UNC13C: variants seen among roughly 807,000 people sequenced by gnomAD.
UNC13C encodes unc-13 homolog C, also known as protein unc-13 homolog C.
A neutral mutation model predicts 245.4 loss-of-function variants in UNC13C; 174 were observed. That is an observed-to-expected ratio of 0.71 (90% CI 0.63 to 0.80). UNC13C has a LOEUF of 0.80. Among genes scored for constraint, UNC13C ranks in the 30% least tolerant of loss-of-function variants. The pLI is 0.00. For synonymous variants in UNC13C, 992 were observed against 895.1 expected (o/e 1.11, Z -1.93); for missense variants, 2,829 against 2,602.9 (o/e 1.09, Z -1.89).
At chr15:54,524,020 C>T (rs1895339930) in intron 24 of UNC13C, among the ~76,000 whole-genome samples, 1 of 152,170 alleles carries the variant, frequency 6.6e-6, no homozygotes, top group African/African-American at 2.4e-5. Flanking sequence ...CATATGTTTT[C>T]TTGGTTAGGG....
At chr15:54,249,355 C>A (rs2036079946) in intron 7 of UNC13C, among the ~76,000 whole-genome samples, 1 of 152,068 alleles carries the variant, frequency 6.6e-6, no homozygotes, top group Non-Finnish European at 1.5e-5. Context: ...CCATTTTAAG[C>A]AGAGCAGAGG....
At chr15:54,110,189 A>G (rs1001395830) in intron 2 of UNC13C, among the ~76,000 whole-genome samples, 1 of 152,026 alleles carries the variant, frequency 6.6e-6, no homozygotes, top group South Asian at 2.1e-4. Context: ...CTGAGGCATG[A>G]GAATTGCATG....
At chr15:54,599,865 TTC>T (rs933264241) in intron 30 of UNC13C, among the ~76,000 whole-genome samples, 30 of 152,178 alleles carry the variant, frequency 2.0e-4, no homozygotes. Context: ...CTCCTCACTC[TTC>T]TTTCTCTCGC....
At position 54,536,936 on chromosome 15, in the gene UNC13C, A is replaced by G. The variant is rs138529178; in HGVS notation, c.5696+3870A>G. On this transcript the variant is annotated intron_variant, in intron 26 of 32. Transcript: ENST00000260323. Reference sequence around the variant, plus strand: ...GAACCAGAACAAGACAAGGATGCTCACTCTCACTACTCCTATTCAACATAG... The same window carrying G: ...GAACCAGAACAAGACAAGGATGCTCGCTCTCACTACTCCTATTCAACATAG... Among the ~76,000 whole-genome samples, 3 of 152,156 alleles carry G rather than the reference A, an allele frequency of 2.0e-5. No individual in the cohort carries two copies. In the East Asian group the frequency reaches 5.8e-4, roughly 29 times the overall value.
intron 17 of UNC13C, among the ~76,000 whole-genome samples, chr15:54,387,972 C>T (rs1392871149): frequency 1.3e-5 from 2 of 152,134 alleles, no homozygotes; most frequent in Admixed American, 6.6e-5. Flanking sequence ...TATACACACA[C>T]ACAAGCACAC....
At chr15:54,424,425 C>G (rs948269309) in intron 19 of UNC13C, among the ~76,000 whole-genome samples, 2 of 151,772 alleles carry the variant, frequency 1.3e-5, no homozygotes, top group Non-Finnish European at 2.9e-5. Flanking sequence ...TATTTGGAAA[C>G]CTTCCAGGGA....
intron 2 of UNC13C, among the ~76,000 whole-genome samples, chr15:54,031,970 C>T (rs1313435581): frequency 1.3e-5 from 2 of 152,146 alleles, no homozygotes; most frequent in African/African-American, 4.8e-5. Context: ...TGGTCTGCTG[C>T]TTAGGTAAAT....
At chr15:53,993,782 C>T (rs894741706) in intron 1 of UNC13C, among the ~76,000 whole-genome samples, 48 of 152,032 alleles carry the variant, frequency 3.2e-4, no homozygotes, top group Admixed American at 2.0e-4. Flanking sequence ...GATAGTCTCT[C>T]TAATTTCCTA....
chr15:54,443,905 G>A (rs180746570), intron 19 of UNC13C, among the ~76,000 whole-genome samples: 1 of 149,804 alleles, frequency 6.7e-6, no homozygotes, highest in Non-Finnish European at 1.5e-5. Flanking sequence ...GTTCTGTAAA[G>A]GTATATTAAG....
chr15:54,118,221 A>G (rs1041354726), intron 2 of UNC13C, among the ~76,000 whole-genome samples: 1 of 152,012 alleles, frequency 6.6e-6, no homozygotes, highest in African/African-American at 2.4e-5. Flanking sequence ...TAGTGAGTAT[A>G]TTTAATCTGT....
intron 19 of UNC13C, among the ~76,000 whole-genome samples, chr15:54,486,458 AAAAG>A (rs1419239790): frequency 6.6e-6 from 1 of 151,906 alleles, no homozygotes; most frequent in Non-Finnish European, 1.5e-5. Flanking sequence ...AAAAAAAAGA[AAAAG>A]AAAAGAAAAG....
intron 30 of UNC13C, among the ~76,000 whole-genome samples, chr15:54,576,331 T>G (rs1897954492): frequency 6.6e-6 from 1 of 152,232 alleles, no homozygotes; most frequent in East Asian, 1.9e-4. Context: ...CCACAGCCTA[T>G]GCTTTCTTCT....
At chr15:54,566,447 G>A (rs994386449) in intron 29 of UNC13C, among the ~76,000 whole-genome samples, 6 of 152,066 alleles carry the variant, frequency 3.9e-5, no homozygotes, top group African/African-American at 1.4e-4. Flanking sequence ...CTAAAGAGAA[G>A]ACATTTTTTC....
chr15:54,444,747 T>C (rs551607673), intron 19 of UNC13C, among the ~76,000 whole-genome samples: 1 of 152,072 alleles, frequency 6.6e-6, no homozygotes, highest in East Asian at 1.9e-4. Flanking sequence ...ATGGTGGATG[T>C]CATCCATTCA....
At chr15:54,182,273 C>T (rs2033827715) in intron 4 of UNC13C, among the ~76,000 whole-genome samples, 1 of 151,958 alleles carries the variant, frequency 6.6e-6, no homozygotes. Context: ...GAGCTTTTTT[C>T]TGCATCTATT....
At chr15:53,938,113 A>C in the UNC13C span, among the ~76,000 whole-genome samples, 3 of 152,210 alleles carry the variant, frequency 2.0e-5, no homozygotes, top group African/African-American at 7.2e-5. Context: ...GCCAAGACCC[A>C]TTGGTATGCT....
chr15:54,406,866 GGAGA>G (rs1419063317), intron 18 of UNC13C, among the ~76,000 whole-genome samples: 2 of 152,032 alleles, frequency 1.3e-5, no homozygotes, highest in African/African-American at 2.4e-5. Context: ...TGCTTTCCAG[GGAGA>G]GAGAGAGGTT....
chr15:54,101,665 C>T (rs1179874751), intron 2 of UNC13C, among the ~76,000 whole-genome samples: 2 of 152,044 alleles, frequency 1.3e-5, no homozygotes, highest in Non-Finnish European at 1.5e-5. Flanking sequence ...ACCGCAACCT[C>T]TGTGTCCCAA....
chr15:54,168,678 G>C (rs1202269083), intron 4 of UNC13C, among the ~76,000 whole-genome samples: 1 of 152,040 alleles, frequency 6.6e-6, no homozygotes. Context: ...ATAACACAAC[G>C]CGTCTGTTAA....
Sources: gnomAD v4.1 joint callset for allele counts (sites outside exome capture counted in the v4.1 genomes callset) on GRCh38, gnomAD v4.1.1 for gene constraint, MANE v1.5 for transcripts, NCBI Gene and HGNC (gene_info 2026-07-23, HGNC 2026-07-21) for gene names.